SMC3: variants seen among roughly 807,000 people sequenced by gnomAD.
SMC3 encodes the protein structural maintenance of chromosomes 3.
SMC3 carries 20 observed loss-of-function variants against 171.8 expected under a neutral mutation model. The observed-to-expected ratio is 0.12, with a 90% CI of 0.08 to 0.17. The LOEUF (loss-of-function observed/expected upper bound fraction) is 0.17, where lower values mean the gene tolerates loss of function less well. Among genes scored for constraint, SMC3 ranks in the 10% least tolerant of loss-of-function variants. The pLI is 1.00. For missense variants in SMC3, 543 were observed against 1,420.4 expected (o/e 0.38, Z 9.93); for synonymous variants, 464 against 451.1 (o/e 1.03, Z -0.36).
intron 2 of SMC3, among the ~76,000 whole-genome samples, chr10:110,569,267 T>G (rs979653876): frequency 2.0e-5 from 3 of 152,200 alleles, no homozygotes; most frequent in East Asian, 3.8e-4. Context: ...TAAGAGTGTT[T>G]TAAAGCATTT....
chr10:110,582,403 G>A (rs978223845), intron 9 of SMC3, among the ~76,000 whole-genome samples, 159 bp from the exon 10 acceptor site: 2 of 152,068 alleles, frequency 1.3e-5, no homozygotes, highest in Non-Finnish European at 2.9e-5. Context: ...CAAAAATTTA[G>A]TGCTTCAGTT....
In SMC3 at chr10:110,572,955, T is replaced by G. The variant is rs1358273436; in HGVS notation, c.92-752T>G. ...CTAGTTTTAGCTACTGAAAGGCCCC[T>G]TCAAGCTGGCTCCTGTGTCTGTCAT... On this transcript the variant is annotated intron_variant, in intron 2 of 28. Transcript: ENST00000361804. 2.6e-5 allele frequency among the ~76,000 whole-genome samples: 4 copies of G among 152,204 alleles called. No homozygotes were observed. The East Asian group carries it at 7.7e-4, about 29-fold the overall frequency.
At chr10:110,575,293 A>G (rs758560304) in intron 3 of SMC3, 43 bp from the exon 4 acceptor site, 2 of 1,449,800 alleles carry the variant, frequency 1.4e-6, no homozygotes, top group South Asian at 1.1e-5. Context: ...TAAGTTATAA[A>G]CACTTTTTTA....
intron 28 of SMC3, 151 bp from the exon 29 acceptor site, chr10:110,604,080 G>A (rs1440561009): frequency 2.3e-5 from 9 of 394,582 alleles, no homozygotes; most frequent in African/African-American, 1.2e-4. Flanking sequence ...GGGCAACAGA[G>A]CAAGACTCCA....
chr10:110,588,336 G>T (rs1350322798), intron 13 of SMC3, among the ~76,000 whole-genome samples: 1 of 152,066 alleles, frequency 6.6e-6, no homozygotes, highest in African/African-American at 2.4e-5. Context: ...TTTTGTCAGT[G>T]GAATTAGTAG....
At chr10:110,600,615 A>G (rs1369134158) in intron 22 of SMC3, 69 bp downstream of exon 22, 2 of 819,080 alleles carry the variant, frequency 2.4e-6, no homozygotes. Context: ...AAGTGGTTAT[A>G]TCAGAGGCTC....
chr10:110,593,045 C>A, intron 17 of SMC3, 28 bp from the exon 18 acceptor site: 1 of 1,589,702 alleles, frequency 6.3e-7, no homozygotes, highest in Non-Finnish European at 8.6e-7. Flanking sequence ...GTGTTGTGAT[C>A]TCTCTGTTGA....
intron 13 of SMC3, among the ~76,000 whole-genome samples, chr10:110,584,798 A>T (rs955919904): frequency 2.0e-5 from 3 of 151,892 alleles, no homozygotes; most frequent in African/African-American, 7.3e-5. Flanking sequence ...ATTTTTATTT[A>T]TTTTTTTGTA....
chr10:110,594,180 AATTTTTTTTTTAATTTTTAAATTT>A (rs1861256672), intron 18 of SMC3, among the ~76,000 whole-genome samples: 1 of 149,528 alleles, frequency 6.7e-6, no homozygotes, highest in Admixed American at 6.7e-5. Context: ...GATCCTTCAC[AATTTTTTTTTTAATTTTTAAATTT>A]ATTTTTTTTT....
At position 110,598,828 on chromosome 10, in the gene SMC3, C is replaced by T. The variant is rs143484501; in HGVS notation, c.2268+538C>T. On this transcript the variant is annotated intron_variant, in intron 20 of 28. Transcript: ENST00000361804. ...TCATTGAACAAATAGGCATTTGAAGCTGTGACATAAGAGTACTGTCTGATG... is the reference window on the plus strand; with the variant it reads ...TCATTGAACAAATAGGCATTTGAAGTTGTGACATAAGAGTACTGTCTGATG... 3.3e-3 allele frequency among the ~76,000 whole-genome samples: 501 copies of T among 152,252 alleles called. 3 individuals carry two copies. The highest frequency in any genetic ancestry group is 0.011 in the African/African-American group (466 of 41,538).
chr10:110,583,032 A>C (rs1333006928), intron 10 of SMC3, among the ~76,000 whole-genome samples: 1 of 151,152 alleles, frequency 6.6e-6, no homozygotes, highest in Non-Finnish European at 1.5e-5. Flanking sequence ...CTCAAGCTCA[A>C]GTGATCCTCC....
rs1378756931 is a variant in SMC3, at chr10:110,590,939, T to C, written c.1671-52T>C. ...GGAGGATTGATAAGTTTGGGCAACA[T>C]AGGGAGACCCTGAGTACCAATAAAG... On this transcript the variant is annotated intron_variant, in intron 16 of 28. Coordinates refer to ENST00000361804, the MANE Select transcript of SMC3 (RefSeq NM_005445.4). The C allele has an allele frequency of 5.7e-6, 9 of 1,568,622 alleles. No individual in the cohort carries two copies. In the East Asian group the frequency reaches 1.3e-4, roughly 23 times the overall value.
chr10:110,585,761 G>A (rs779624881), intron 13 of SMC3, among the ~76,000 whole-genome samples: 1 of 151,284 alleles, frequency 6.6e-6, no homozygotes, highest in Non-Finnish European at 1.5e-5. Context: ...TAATATTTAT[G>A]TACTTATTAA....
Position 110,601,099 on chromosome 10 carries a change from AAG to A in SMC3, c.2616_2617del (p.Arg872SerfsTer16), listed in dbSNP as rs1861379433. ...CATCAGAACTTGAAGCCATCAATAA[AAG>A]AGTAAAAGACACTATGGCACGATCA... ...TTSELEAINK[R>X]VKDTMARSED... On this transcript the variant is annotated frameshift_variant, in exon 23 of 29. Transcript: ENST00000361804. LOFTEE classifies it high-confidence loss of function. 1 of 1,613,552 alleles carries A rather than the reference AAG, an allele frequency of 6.2e-7. No homozygotes were observed. The highest frequency in any genetic ancestry group is 1.3e-5 in the African/African-American group (1 of 74,928).
chr10:110,600,915 G>A (rs1564795665), intron 22 of SMC3, 107 bp from the exon 23 acceptor site: 5 of 778,182 alleles, frequency 6.4e-6, no homozygotes, highest in Middle Eastern at 5.1e-4. Context: ...ATTATATGAT[G>A]TATTTATATT....
In SMC3 at chr10:110,575,412, G is replaced by T; in HGVS notation, c.198+9G>T. The T allele has an allele frequency of 6.3e-7, 1 of 1,599,020 alleles. No individual in the cohort carries two copies. The highest frequency in any genetic ancestry group is 8.6e-7 in the Non-Finnish European group (1 of 1,166,456). ...GGTTGGCTTTATTGCATGTGAGTGAGACTGCTTTAAGACATTATTGATATT... is the reference window on the plus strand; with the variant it reads ...GGTTGGCTTTATTGCATGTGAGTGATACTGCTTTAAGACATTATTGATATT... On this transcript the variant is annotated intron_variant, in intron 4 of 28. Transcript: ENST00000361804.
At chr10:110,597,826 T>G (rs1304345380) in intron 19 of SMC3, among the ~76,000 whole-genome samples, 3 of 152,246 alleles carry the variant, frequency 2.0e-5, no homozygotes, top group Non-Finnish European at 4.4e-5. Context: ...AAAAGATATT[T>G]AAAAGTATGT....
rs764106476 is a variant in SMC3 at position 110,584,300 on chromosome 10, T to A, written c.1209T>A (p.Asp403Glu). Residue 403 changes from aspartate to glutamate, a missense_variant, in exon 13 of 29, where the codon GAT (aspartate) becomes GAA (glutamate). This residue lies in a region of SMC3 where 218 missense variants were observed against 509.6 expected (regional missense o/e 0.43). Transcript: ENST00000361804. Reference sequence around the variant, plus strand: ...TTAAAAAGGAACTCAAGTCTTTAGATCAGGCTATTAATGACAAGAAAAGAC... The same window carrying A: ...TTAAAAAGGAACTCAAGTCTTTAGAACAGGCTATTAATGACAAGAAAAGAC... ...KWIKKELKSL[D>E]QAINDKKRQI... 6.2e-7 allele frequency: 1 copy of A among 1,613,942 alleles called. No homozygotes were observed. Among genetic ancestry groups the A allele is most frequent in the Non-Finnish European group, 8.5e-7 (1 of 1,179,818 alleles).
chr10:110,601,056 C>T lies in SMC3; in HGVS notation c.2570C>T (p.Thr857Ile). The change falls in exon 23 of 29, where the codon ACT (threonine) becomes ATT (isoleucine). Residue 857 changes from threonine to isoleucine, a missense_variant. By Grantham distance (89) the Thr-to-Ile change is moderately conservative. This residue lies in a region of SMC3 where 33 missense variants were observed against 33.6 expected (regional missense o/e 0.98). Coordinates refer to ENST00000361804, the MANE Select transcript of SMC3 (RefSeq NM_005445.4). Reference protein sequence around the residue: ...LNELRETEGGTVLTATTSELE... With the variant: ...LNELRETEGGIVLTATTSELE... ...GAGCTGAGAGAGACAGAAGGGGGTA[C>T]TGTTCTCACAGCCACAACATCAGAA... 1 of 1,613,376 alleles carries T rather than the reference C, an allele frequency of 6.2e-7. No individual in the cohort carries two copies. The highest frequency in any genetic ancestry group is 8.5e-7 in the Non-Finnish European group (1 of 1,179,538).
Sources: gnomAD v4.1 joint callset for allele counts (sites outside exome capture counted in the v4.1 genomes callset) on GRCh38, gnomAD v4.1.1 for gene constraint, gnomAD v4.1.1 regional missense constraint, MANE v1.5 for transcripts, NCBI Gene and HGNC (gene_info 2026-07-23, HGNC 2026-07-21) for gene names.